Variants in MICU1 observed in about 807,000 individuals in gnomAD.
MICU1 encodes the protein calcium uptake protein 1, mitochondrial.
Under a neutral mutation model 56.8 loss-of-function variants are expected in MICU1, and 45 were observed. That is an observed-to-expected ratio of 0.79 (90% CI 0.62 to 1.02). MICU1 has a LOEUF of 1.02. Ranked by LOEUF, MICU1 falls within the 50% of genes least tolerant of loss-of-function variation. The pLI is 0.00. For synonymous variants in MICU1, 186 were observed against 195.1 expected, an observed-to-expected ratio of 0.95 and a Z score of 0.39; for missense variants, 504 against 587.1, an observed-to-expected ratio of 0.86 and a Z score of 1.46.
chr10:72,428,312 C>T (rs1219745395), intron 8 of MICU1, among the ~76,000 whole-genome samples: 1 of 152,080 alleles, frequency 6.6e-6, no homozygotes, highest in East Asian at 1.9e-4. Context: ...CCAAACATTC[C>T]TTCTATTTTA....
At chr10:72,467,170 C>T (rs1441318802) in intron 8 of MICU1, among the ~76,000 whole-genome samples, 2 of 151,528 alleles carry the variant, frequency 1.3e-5, no homozygotes, top group African/African-American at 4.9e-5. Context: ...GACTAATTTT[C>T]TGGTTTTTTG....
At chr10:72,397,056 G>C (rs1425324660) in intron 10 of MICU1, among the ~76,000 whole-genome samples, 6 of 152,186 alleles carry the variant, frequency 3.9e-5, no homozygotes, top group Admixed American at 3.9e-4. Flanking sequence ...CCCACAAAGG[G>C]AAGCCCATCA....
chr10:72,569,372 C>G (rs1840549356), intron 1 of MICU1, among the ~76,000 whole-genome samples: 1 of 149,760 alleles, frequency 6.7e-6, no homozygotes, highest in Non-Finnish European at 1.5e-5. Context: ...GTAGCTGGGA[C>G]TACAGGCACA....
At chr10:72,605,630 T>C (rs1018311700) in intron 1 of MICU1, among the ~76,000 whole-genome samples, 8 of 152,184 alleles carry the variant, frequency 5.3e-5, no homozygotes, top group African/African-American at 1.9e-4. Context: ...GTGATAATAA[T>C]TTAAATTATT....
In MICU1 at chr10:72,450,132, A is replaced by G. The variant is rs185631085; in HGVS notation, c.933+24968T>C. On this transcript the variant is annotated intron_variant, in intron 8 of 11. Coordinates refer to ENST00000361114, the MANE Select transcript of MICU1 (RefSeq NM_001195518.2). ...CAGAGAGACAGGTATTTAACAAACA[A>G]TGAAATGACTATGTAATTAAGTGAT... Among the ~76,000 whole-genome samples the G allele has an allele frequency of 1.9e-3, 293 of 152,292 alleles. 1 individual carries two copies. The highest frequency in any genetic ancestry group is 5.2e-3 in the Admixed American group (79 of 15,282).
chr10:72,514,745 G>A (rs947500378), intron 5 of MICU1, among the ~76,000 whole-genome samples: 7 of 152,036 alleles, frequency 4.6e-5, no homozygotes, highest in African/African-American at 1.4e-4. Flanking sequence ...TTAAGATTCC[G>A]GCTTGCATGG....
At chr10:72,487,468 G>A (rs989171455) in intron 6 of MICU1, among the ~76,000 whole-genome samples, 5 of 152,044 alleles carry the variant, frequency 3.3e-5, no homozygotes, top group Admixed American at 6.6e-5. Flanking sequence ...CTTTACCAGC[G>A]TGTCCTGACG....
At chr10:72,474,594 C>T (rs776356041) in intron 8 of MICU1, among the ~76,000 whole-genome samples, 3 of 152,168 alleles carry the variant, frequency 2.0e-5, no homozygotes, top group Non-Finnish European at 2.9e-5. Context: ...TGGGCTCAAG[C>T]GATTCTCCCA....
intron 9 of MICU1, among the ~76,000 whole-genome samples, chr10:72,420,863 A>T (rs1456996619): frequency 2.0e-5 from 3 of 149,984 alleles, no homozygotes; most frequent in Non-Finnish European, 4.4e-5. Flanking sequence ...TTTTGTGGAG[A>T]CAAGGTTTCG....
chr10:72,438,021 T>C (rs768279276), intron 8 of MICU1, among the ~76,000 whole-genome samples: 4 of 152,252 alleles, frequency 2.6e-5, no homozygotes, highest in African/African-American at 9.6e-5. Context: ...TATCCAGGAT[T>C]TGAACTCAGC....
At chr10:72,442,402 C>T (rs535394191) in intron 8 of MICU1, among the ~76,000 whole-genome samples, 199 of 152,220 alleles carry the variant, frequency 1.3e-3, no homozygotes, top group Middle Eastern at 3.4e-3. Flanking sequence ...CCTCAGCCTC[C>T]CAAAGTGCTA....
intron 2 of MICU1, among the ~76,000 whole-genome samples, chr10:72,564,388 A>G (rs769010852): frequency 6.6e-6 from 1 of 151,928 alleles, no homozygotes; most frequent in Non-Finnish European, 1.5e-5. Context: ...TAAAAATACA[A>G]AAGTTAGCCG....
chr10:72,421,015 AAAATAAT>A (rs1409063017), intron 9 of MICU1, among the ~76,000 whole-genome samples: 4 of 141,160 alleles, frequency 2.8e-5, no homozygotes, highest in Non-Finnish European at 4.7e-5. Context: ...AAAAAAAAAA[AAAATAAT>A]AATAATAATA....
chr10:72,568,275 C>T (rs1840497182), intron 1 of MICU1, among the ~76,000 whole-genome samples: 1 of 152,174 alleles, frequency 6.6e-6, no homozygotes, highest in African/African-American at 2.4e-5. Context: ...GTGCATATTA[C>T]TGTTCAATAA....
At chr10:72,388,687 A>G (rs1291407419) in intron 10 of MICU1, among the ~76,000 whole-genome samples, 3 of 152,230 alleles carry the variant, frequency 2.0e-5, no homozygotes, top group Non-Finnish European at 4.4e-5. Context: ...ACTCTTAGCC[A>G]AAAGCAACTG....
chr10:72,498,657 C>G (rs1308155939), intron 6 of MICU1, among the ~76,000 whole-genome samples: 1 of 152,154 alleles, frequency 6.6e-6, no homozygotes, highest in African/African-American at 2.4e-5. Flanking sequence ...GCTTTCCTTT[C>G]TGAGAGCCTA....
chr10:72,422,000 C>T (rs973747049), intron 9 of MICU1, among the ~76,000 whole-genome samples: 3 of 152,132 alleles, frequency 2.0e-5, no homozygotes, highest in African/African-American at 7.2e-5. Context: ...TTCACACATA[C>T]CAGGTTTGTT....
At chr10:72,607,285 G>A (rs1385519192) in intron 1 of MICU1, among the ~76,000 whole-genome samples, 1 of 150,594 alleles carries the variant, frequency 6.6e-6, no homozygotes, top group Non-Finnish European at 1.5e-5. Flanking sequence ...AGGTTGGAGT[G>A]AGCCGAGATC....
intron 8 of MICU1, among the ~76,000 whole-genome samples, chr10:72,429,806 T>C (rs917410268): frequency 1.3e-5 from 2 of 152,238 alleles, no homozygotes; most frequent in African/African-American, 4.8e-5. Flanking sequence ...TGAGTGCTTA[T>C]ACTTGCCAGG....
Sources: allele counts gnomAD v4.1 joint callset (sites outside exome capture counted in the v4.1 genomes callset), GRCh38; gene constraint gnomAD v4.1.1; transcripts MANE v1.5; gene names NCBI Gene and HGNC (gene_info 2026-07-23, HGNC 2026-07-21).